The following PPDPF variants were observed in gnomAD, a reference collection of about 807,000 sequenced individuals.
PPDPF encodes exocrine differentiation and proliferation factor.
In PPDPF, 11 loss-of-function variants were observed where a neutral mutation model predicts 6.3. That is an observed-to-expected ratio of 1.76 (90% CI 1.11 to 2.91). The LOEUF (loss-of-function observed/expected upper bound fraction) is 2.91. Ranked by LOEUF, PPDPF falls within the 30% of genes most tolerant of loss-of-function variation. The pLI, the probability that PPDPF is intolerant of heterozygous loss-of-function variation, is 0.00. For synonymous variants in PPDPF, 86 were observed against 64.5 expected (o/e 1.33, Z -1.60); for missense variants, 202 against 159.4 (o/e 1.27, Z -1.44).
Position 63,520,847 on chromosome 20 carries a change from C to T in PPDPF, c.-73C>T. 1 of 987,940 alleles carries T rather than the reference C, an allele frequency of 1.0e-6. No homozygotes were observed. Among genetic ancestry groups the T allele is most frequent in the Non-Finnish European group, 1.2e-6 (1 of 831,950 alleles). 61.2% of individuals were successfully genotyped at this position (987,940 alleles called of 1,614,324 possible). A position where few individuals can be genotyped will look rare whatever the true frequency, so the allele number is the denominator to read the frequency against. Reference sequence around the variant, plus strand: ...GCTCCGTGGCCTAGCGCCCCCGTCCCCGCCACCCGTGATCGTGCGCCGAGG... The same window carrying T: ...GCTCCGTGGCCTAGCGCCCCCGTCCTCGCCACCCGTGATCGTGCGCCGAGG... On this transcript the variant is annotated 5_prime_UTR_variant, in exon 1 of 4. Coordinates refer to ENST00000370179, the MANE Select transcript of PPDPF (RefSeq NM_024299.4).
chr20:63,521,172 C>T (rs2082540622), intron 1 of PPDPF, 112 bp from the exon 2 acceptor site: 1 of 1,071,690 alleles, frequency 9.3e-7, no homozygotes. Flanking sequence ...GTGCCGGGAG[C>T]TGGGGAGCCC....
rs150528796 is a variant in PPDPF, at chr20:63,521,816, G to C, written c.282G>C (p.Arg94=). The C allele has an allele frequency of 1.9e-5, 31 of 1,611,532 alleles. No homozygotes were observed. The highest frequency in any genetic ancestry group is 2.7e-5 in the African/African-American group (2 of 74,864). ...GCATGACCGCCTGTGGCCTGGCTCG[G>C]GACGCCCCGAGGAAGCAGCCCGGCG... The part of the protein sequence containing the change: ...SSSMTACGLA[R]DAPRKQPGGQ... Residue 94 remains arginine, a synonymous_variant, in exon 4 of 4, where the codon CGG becomes CGC. Coordinates refer to ENST00000370179, the MANE Select transcript of PPDPF (RefSeq NM_024299.4).
In PPDPF at chr20:63,521,543, C is replaced by T; in HGVS notation, c.87C>T (p.Ser29=). ...TGGGTTCCACTTCCAGCAACAGCTC[C>T]TGCAGCAGTACCGAGTGCCCCGGGG... ...RRLGSTSSNS[S]CSSTECPGEA... Residue 29 remains serine, a synonymous_variant, in exon 3 of 4, where the codon TCC becomes TCT. Transcript: ENST00000370179. 1 of 1,595,458 alleles carries T rather than the reference C, an allele frequency of 6.3e-7. No individual in the cohort carries two copies. The highest frequency in any genetic ancestry group is 8.5e-7 in the Non-Finnish European group (1 of 1,169,838).
intron 1 of PPDPF, 74 bp from the exon 2 acceptor site, chr20:63,521,210 G>A: frequency 7.4e-7 from 1 of 1,342,996 alleles, no homozygotes; most frequent in Non-Finnish European, 1.0e-6. Flanking sequence ...CAGCGCGGCG[G>A]CTCCACCCGC....
In PPDPF at chr20:63,522,053, A is replaced by C. The variant is rs1458868444; in HGVS notation, c.*174A>C. ...TCGCATCAACACAGCAGACACCAAA[A>C]ACCAGTGAGAGCCCCGCTCTCTACC... On this transcript the variant is annotated 3_prime_UTR_variant, in exon 4 of 4. Transcript: ENST00000370179. 5.1e-6 allele frequency: 3 copies of C among 590,008 alleles called. No homozygotes were observed. Among genetic ancestry groups the C allele is most frequent in the Non-Finnish European group, 6.3e-6 (2 of 317,920 alleles). 36.5% of individuals were successfully genotyped at this position (590,008 alleles called of 1,614,324 possible).
intron 1 of PPDPF, 143 bp from the exon 2 acceptor site, chr20:63,521,141 G>T: frequency 3.3e-6 from 3 of 922,022 alleles, no homozygotes; most frequent in Non-Finnish European, 4.6e-6. Context: ...GGAGCCGCCC[G>T]CGCCCCGCGC....
At chr20:63,521,623 C>G in intron 3 of PPDPF, 34 bp downstream of exon 3, 2 of 1,612,502 alleles carry the variant, frequency 1.2e-6, no homozygotes, top group Non-Finnish European at 1.7e-6. Context: ...TCCCCCCGCT[C>G]CTCCAGGAGC....
In PPDPF at chr20:63,521,509, C is replaced by T. The variant is rs1487063840; in HGVS notation, c.56-3C>T. The T allele has an allele frequency of 1.3e-6, 2 of 1,574,824 alleles. No homozygotes were observed. Among genetic ancestry groups the T allele is most frequent in the Non-Finnish European group, 8.6e-7 (1 of 1,159,344 alleles). The stretch of plus-strand genomic sequence containing the variant: ...CGTTGCTGACGGGACCTCTCCTCTC[C>T]AGGCCGCCTGGGTTCCACTTCCAGC... On this transcript the variant is annotated splice_polypyrimidine_tract_variant and splice_region_variant and intron_variant, in intron 2 of 3. Transcript: ENST00000370179.
chr20:63,522,194 G>T lies in PPDPF; in HGVS notation c.*315G>T. On this transcript the variant is annotated 3_prime_UTR_variant, in exon 4 of 4. Coordinates refer to ENST00000370179, the MANE Select transcript of PPDPF (RefSeq NM_024299.4). The stretch of plus-strand genomic sequence containing the variant: ...CGATGGTGTGTGCCTGAGCTGTGTG[G>T]CCCGAGGTTCCATTTGAGTGTGAGA... The T allele has an allele frequency of 2.3e-6, 1 of 433,416 alleles. No individual in the cohort carries two copies. 26.8% of individuals were successfully genotyped at this position (433,416 alleles called of 1,614,324 possible).
Position 63,521,948 on chromosome 20 carries a change from TC to T in PPDPF, c.*73del. On this transcript the variant is annotated 3_prime_UTR_variant, in exon 4 of 4. Coordinates refer to ENST00000370179, the MANE Select transcript of PPDPF (RefSeq NM_024299.4). ...CCACCAGAGCCCCTCCCCGCCCCTC[TC>T]CCCACTCCGCATCCCTCGCCCCCCT... The T allele has an allele frequency of 1.1e-6, 1 of 947,648 alleles. No homozygotes were observed. The highest frequency in any genetic ancestry group is 1.4e-6 in the Non-Finnish European group (1 of 728,110). The allele number at this position is 947,648 out of a possible 1,614,324, so 58.7% of individuals were successfully genotyped here.
At chr20:63,521,483 G>A (rs567551176) in intron 2 of PPDPF, 29 bp from the exon 3 acceptor site, 1 of 1,558,040 alleles carries the variant, frequency 6.4e-7, no homozygotes, top group South Asian at 1.2e-5. Context: ...TCCGCGCCCC[G>A]CGTTGCTGAC....
At chr20:63,521,467 G>A (rs369661322) in intron 2 of PPDPF, 45 bp from the exon 3 acceptor site, 3 of 1,562,432 alleles carry the variant, frequency 1.9e-6, no homozygotes, top group Non-Finnish European at 2.6e-6. Flanking sequence ...CGGTGGGCTG[G>A]GGGGCTCCGC....
chr20:63,520,979 C>T (rs1023921072), intron 1 of PPDPF, 85 bp downstream of exon 1: 22 of 984,258 alleles, frequency 2.2e-5, no homozygotes, highest in East Asian at 1.2e-4. Context: ...CTCCTCTCCT[C>T]TCCGCCTGGC....
At chr20:63,521,055 A>G (rs578018641) in intron 1 of PPDPF, among the ~76,000 whole-genome samples, 161 bp downstream of exon 1, 522 of 151,730 alleles carry the variant, frequency 3.4e-3, no homozygotes, top group African/African-American at 0.012. Context: ...GGCGCCCACC[A>G]GGTTCCCGAC....
In PPDPF at chr20:63,521,923, C is replaced by G. The variant is rs1328346428; in HGVS notation, c.*44C>G. 1 of 1,470,860 alleles carries G rather than the reference C, an allele frequency of 6.8e-7. No homozygotes were observed. The highest frequency in any genetic ancestry group is 1.4e-5 in the African/African-American group (1 of 71,150). The allele number at this position is 1,470,860 out of a possible 1,614,324, so 91.1% of individuals were successfully genotyped here. On this transcript the variant is annotated 3_prime_UTR_variant, in exon 4 of 4. Coordinates refer to ENST00000370179, the MANE Select transcript of PPDPF (RefSeq NM_024299.4). The stretch of plus-strand genomic sequence containing the variant: ...GCCCCAGGCCTGCGGAGGCGCTAGT[C>G]CACCAGAGCCCCTCCCCGCCCCTCT...
In PPDPF at chr20:63,521,768, G is replaced by A. The variant is rs1281112546; in HGVS notation, c.234G>A (p.Ser78=). ...MATVLESAEH[S]EPPQASSSMT... Reference sequence around the variant, plus strand: ...CGGTGTTGGAGTCCGCAGAGCACTCGGAACCTCCCCAGGCCTCCAGCAGCA... The same window carrying A: ...CGGTGTTGGAGTCCGCAGAGCACTCAGAACCTCCCCAGGCCTCCAGCAGCA... Residue 78 remains serine, a synonymous_variant, in exon 4 of 4, where the codon TCG becomes TCA. Coordinates refer to ENST00000370179, the MANE Select transcript of PPDPF (RefSeq NM_024299.4). 7 of 1,612,842 alleles carry A rather than the reference G, an allele frequency of 4.3e-6. No individual in the cohort carries two copies. The South Asian group carries it at 7.7e-5, about 18-fold the overall frequency.
Position 63,521,531 on chromosome 20 carries a change from C to T in PPDPF, c.75C>T (p.Ser25=). The change falls in exon 3 of 4, where the codon TCC becomes TCT. Residue 25 remains serine (S), a synonymous_variant. Coordinates refer to ENST00000370179, the MANE Select transcript of PPDPF (RefSeq NM_024299.4). ...DYYRRRLGST[S]SNSSCSSTEC... The stretch of plus-strand genomic sequence containing the variant: ...CTCCAGGCCGCCTGGGTTCCACTTC[C>T]AGCAACAGCTCCTGCAGCAGTACCG... The T allele has an allele frequency of 1.3e-6, 2 of 1,585,814 alleles. No homozygotes were observed. The highest frequency in any genetic ancestry group is 1.7e-6 in the Non-Finnish European group (2 of 1,164,574).
intron 1 of PPDPF, 80 bp downstream of exon 1, chr20:63,520,974 C>T (rs1283025064): frequency 9.0e-6 from 9 of 997,110 alleles, no homozygotes; most frequent in South Asian, 4.7e-5. Context: ...GGGGGCTCCT[C>T]TCCTCTCCGC....
At position 63,520,770 on chromosome 20, in the gene PPDPF, G is replaced by C; in HGVS notation, c.-150G>C. On this transcript the variant is annotated 5_prime_UTR_variant, in exon 1 of 4. Coordinates refer to ENST00000370179, the MANE Select transcript of PPDPF (RefSeq NM_024299.4). ...GGGCGCGTCCGCGCGTGCGCACCCC[G>C]CGCGCGCCTCTCTGTCGTGGCGCGG... 1.0e-6 allele frequency: 1 copy of C among 984,814 alleles called. No individual in the cohort carries two copies. Among genetic ancestry groups the C allele is most frequent in the Non-Finnish European group, 1.2e-6 (1 of 829,732 alleles). 61.0% of individuals were successfully genotyped at this position (984,814 alleles called of 1,614,324 possible).
Sources: gnomAD v4.1 joint callset for allele counts (sites outside exome capture counted in the v4.1 genomes callset) on GRCh38, gnomAD v4.1.1 for gene constraint, MANE v1.5 for transcripts, NCBI Gene and HGNC (gene_info 2026-07-23, HGNC 2026-07-21) for gene names.